PTPRK: variants seen among roughly 807,000 people sequenced by gnomAD.
PTPRK encodes receptor-type tyrosine-protein phosphatase kappa.
In PTPRK, 75 loss-of-function variants were observed where a neutral mutation model predicts 178.0. The observed-to-expected ratio is 0.42, with a 90% CI of 0.35 to 0.51. The LOEUF is 0.51. PTPRK is among the 20% of genes least tolerant of loss of function. The pLI, the probability that PTPRK is intolerant of heterozygous loss-of-function variation, is 0.02. For synonymous variants in PTPRK, 637 were observed against 620.6 expected, an observed-to-expected ratio of 1.03 and a Z score of -0.39; for missense variants, 1,441 against 1,797.8, an observed-to-expected ratio of 0.80 and a Z score of 3.59.
In PTPRK at chr6:128,309,626, T is replaced by C. The variant is rs191913467; in HGVS notation, c.495+12413A>G. Reference sequence around the variant, plus strand: ...GCTGAAATAACTTCTCATCAGCCTCTTTGTTTTATATTATGGAAGGAGAGA... The same window carrying C: ...GCTGAAATAACTTCTCATCAGCCTCCTTGTTTTATATTATGGAAGGAGAGA... On this transcript the variant is annotated intron_variant, in intron 3 of 29. Transcript: ENST00000368226. Among the ~76,000 whole-genome samples, 291 of 152,274 alleles carry C rather than the reference T, an allele frequency of 1.9e-3. 1 individual carries two copies. Among genetic ancestry groups the C allele is most frequent in the African/African-American group, 6.8e-3 (283 of 41,538 alleles).
chr6:128,443,851 T>A (rs751748058), intron 1 of PTPRK, among the ~76,000 whole-genome samples: 1 of 151,452 alleles, frequency 6.6e-6, no homozygotes, highest in Non-Finnish European at 1.5e-5. Flanking sequence ...CTAGACCAGA[T>A]TTTTTTTTCT....
chr6:128,378,451 G>A (rs940011137), intron 2 of PTPRK, among the ~76,000 whole-genome samples: 1 of 151,944 alleles, frequency 6.6e-6, no homozygotes, highest in Non-Finnish European at 1.5e-5. Flanking sequence ...GACATCAAAA[G>A]ATTGATGGTG....
intron 7 of PTPRK, among the ~76,000 whole-genome samples, chr6:128,157,102 G>A (rs1307723816): frequency 6.6e-6 from 1 of 151,992 alleles, no homozygotes; most frequent in Non-Finnish European, 1.5e-5. Context: ...ACTATGATGA[G>A]GCAGTTTATA....
chr6:128,520,190 G>A, intron 1 of PTPRK, 69 bp downstream of exon 1: 1 of 1,352,612 alleles, frequency 7.4e-7, no homozygotes, highest in Non-Finnish European at 1.0e-6. Flanking sequence ...AGCCCTAGCG[G>A]GGACCTGGCT....
intron 13 of PTPRK, among the ~76,000 whole-genome samples, chr6:128,021,273 A>G (rs191842818): frequency 6.6e-6 from 1 of 152,206 alleles, no homozygotes; most frequent in East Asian, 1.9e-4. Flanking sequence ...AGATTGTCCA[A>G]TTCTAGATAA....
intron 7 of PTPRK, among the ~76,000 whole-genome samples, chr6:128,143,001 C>T (rs1440473488): frequency 6.6e-6 from 1 of 152,056 alleles, no homozygotes; most frequent in Non-Finnish European, 1.5e-5. Context: ...CTCAAATACT[C>T]TTCAAAATTC....
intron 5 of PTPRK, among the ~76,000 whole-genome samples, chr6:128,226,077 G>A (rs886717101): frequency 1.1e-4 from 17 of 152,100 alleles, no homozygotes; most frequent in Non-Finnish European, 2.4e-4. Context: ...GGAGCCACAC[G>A]GACAGAGCAG....
chr6:128,489,991 C>G (rs1039844543), intron 1 of PTPRK, among the ~76,000 whole-genome samples: 8 of 152,194 alleles, frequency 5.3e-5, no homozygotes, highest in African/African-American at 1.9e-4. Context: ...AACGCTACTA[C>G]ATTTTAAGAA....
At chr6:128,499,926 A>G (rs972047249) in intron 1 of PTPRK, among the ~76,000 whole-genome samples, 3 of 152,230 alleles carry the variant, frequency 2.0e-5, no homozygotes, top group Non-Finnish European at 2.9e-5. Flanking sequence ...GGTTACATAC[A>G]ATTTGAAAAT....
At chr6:127,977,170 C>A in intron 25 of PTPRK, 116 bp from the exon 26 acceptor site, 1 of 971,216 alleles carries the variant, frequency 1.0e-6, no homozygotes, top group Non-Finnish European at 1.6e-6. Flanking sequence ...GCTTCATATG[C>A]AGAAGGAGCC....
chr6:128,003,196 C>T (rs1310291454), intron 15 of PTPRK: 1 of 1,602,730 alleles, frequency 6.2e-7, no homozygotes, highest in Non-Finnish European at 8.5e-7. Context: ...TAGGGCCTCA[C>T]CTAACACAGC....
intron 3 of PTPRK, among the ~76,000 whole-genome samples, chr6:128,286,355 T>G (rs1369232733): frequency 6.6e-6 from 1 of 152,198 alleles, no homozygotes; most frequent in Non-Finnish European, 1.5e-5. Context: ...CCCAATTACA[T>G]GTCAGACTAC....
intron 7 of PTPRK, among the ~76,000 whole-genome samples, chr6:128,144,297 C>T (rs550041967): frequency 6.6e-6 from 1 of 152,210 alleles, no homozygotes; most frequent in Non-Finnish European, 1.5e-5. Flanking sequence ...ACATGCAACT[C>T]ATATCAATTG....
rs766470450 is a variant in PTPRK at position 128,089,724 on chromosome 6, C to T, written c.1431G>A (p.Glu477=). 20 of 1,613,110 alleles carry T rather than the reference C, an allele frequency of 1.2e-5. No individual in the cohort carries two copies. The African/African-American group carries it at 1.5e-4, about 12-fold the overall frequency. ...CAGTTTGAATAATTGTCTCTTCACTCTCCTTCCTTCCCTCTGGATTGGTTA... is the reference window on the plus strand; with the variant it reads ...CAGTTTGAATAATTGTCTCTTCACTTTCCTTCCTTCCCTCTGGATTGGTTA... ...MILTNPEGRK[E]SEETIIQTDE... Residue 477 remains glutamate, a synonymous_variant, in exon 8 of 30, where the codon GAG becomes GAA. Transcript: ENST00000368226.
chr6:128,482,475 G>C (rs145987213), intron 1 of PTPRK, among the ~76,000 whole-genome samples: 14 of 152,216 alleles, frequency 9.2e-5, no homozygotes, highest in African/African-American at 2.6e-4. Context: ...TAGAAACAGA[G>C]ACCTGTTTAA....
chr6:128,505,880 G>A (rs576904040), intron 1 of PTPRK, among the ~76,000 whole-genome samples: 6 of 152,320 alleles, frequency 3.9e-5, no homozygotes, highest in East Asian at 1.9e-4. Flanking sequence ...TTTCCACCAT[G>A]TGCCAGGACT....
At chr6:128,516,395 GA>G (rs143576432) in intron 1 of PTPRK, among the ~76,000 whole-genome samples, 109 of 148,384 alleles carry the variant, frequency 7.3e-4, no homozygotes, top group African/African-American at 2.2e-3. Context: ...ACTAGAGAGA[GA>G]AAAAAAAACA....
chr6:128,129,838 T>C (rs1793939990), intron 7 of PTPRK, among the ~76,000 whole-genome samples: 2 of 152,192 alleles, frequency 1.3e-5, no homozygotes, highest in African/African-American at 2.4e-5. Flanking sequence ...ATTTCACAGC[T>C]AGATGTGTCA....
chr6:128,188,952 A>G (rs1490068001), intron 6 of PTPRK, among the ~76,000 whole-genome samples: 1 of 152,136 alleles, frequency 6.6e-6, no homozygotes, highest in Non-Finnish European at 1.5e-5. Context: ...CCATTTCAAC[A>G]TCCTTAACTT....
Sources: allele counts gnomAD v4.1 joint callset (sites outside exome capture counted in the v4.1 genomes callset), GRCh38; gene constraint gnomAD v4.1.1; transcripts MANE v1.5; gene names NCBI Gene and HGNC (gene_info 2026-07-23, HGNC 2026-07-21).